Variants in NOX4 observed in about 807,000 individuals in gnomAD.
The protein encoded by NOX4 is kidney oxidase-1.
Under a neutral mutation model 87.6 loss-of-function variants are expected in NOX4, and 69 were observed. That is an observed-to-expected ratio of 0.79 (90% CI 0.65 to 0.96). NOX4 has a LOEUF of 0.96. Ranked by LOEUF, NOX4 falls within the 40% of genes least tolerant of loss-of-function variation. The pLI, the probability that NOX4 is intolerant of heterozygous loss-of-function variation, is 0.00. For missense variants in NOX4, 680 were observed against 681.5 expected (o/e 1.00, Z 0.02); for synonymous variants, 275 against 238.2 (o/e 1.15, Z -1.42).
chr11:89,525,225 G>C, the NOX4 span, among the ~76,000 whole-genome samples: 1 of 152,068 alleles, frequency 6.6e-6, no homozygotes, highest in Middle Eastern at 3.4e-3. Flanking sequence ...CCTAGGTGTG[G>C]AATAGCTGCC....
chr11:89,536,171 G>C, the NOX4 span, among the ~76,000 whole-genome samples: 4 of 133,386 alleles, frequency 3.0e-5, no homozygotes, highest in Admixed American at 1.6e-4. Flanking sequence ...TTTTGAGACG[G>C]AGTCTCGCTC....
intron 15 of NOX4, among the ~76,000 whole-genome samples, chr11:89,339,766 A>G (rs1186327923): frequency 5.3e-5 from 8 of 152,128 alleles, no homozygotes. Context: ...AGCCATATGC[A>G]TACATTTCTA....
chr11:89,514,114 T>C, the NOX4 span, among the ~76,000 whole-genome samples: 1 of 152,084 alleles, frequency 6.6e-6, no homozygotes, highest in African/African-American at 2.4e-5. Context: ...ATTTTAACAA[T>C]ATTAATTCTT....
At chr11:89,395,529 T>C (rs910915431) in intron 11 of NOX4, among the ~76,000 whole-genome samples, 3 of 152,228 alleles carry the variant, frequency 2.0e-5, no homozygotes, top group Non-Finnish European at 2.9e-5. Context: ...TTGCCTATTT[T>C]GGCTTTTTTT....
At chr11:89,402,832 G>A (rs1433046466) in intron 8 of NOX4, among the ~76,000 whole-genome samples, 1 of 152,118 alleles carries the variant, frequency 6.6e-6, no homozygotes, top group Admixed American at 6.6e-5. Flanking sequence ...TATTGAATTT[G>A]ATGGCCTTTA....
chr11:89,433,636 A>G (rs1021443513), intron 6 of NOX4, among the ~76,000 whole-genome samples: 9 of 152,212 alleles, frequency 5.9e-5, no homozygotes, highest in East Asian at 5.8e-4. Context: ...ACACAGAACA[A>G]AAATTGGAGG....
upstream of NOX4, among the ~76,000 whole-genome samples, chr11:89,500,957 C>T (rs1167394954): frequency 6.6e-6 from 1 of 152,028 alleles, no homozygotes; most frequent in Non-Finnish European, 1.5e-5. Context: ...TAGTTTAGCA[C>T]ATTAGGGGGC....
intron 7 of NOX4, 113 bp downstream of exon 7, chr11:89,432,671 C>T: frequency 2.7e-6 from 2 of 730,582 alleles, no homozygotes; most frequent in African/African-American, 1.8e-5. Flanking sequence ...CTCTTACTTA[C>T]CCAGAATAGT....
intron 5 of NOX4, among the ~76,000 whole-genome samples, chr11:89,442,196 C>T (rs1462899993): frequency 6.6e-6 from 1 of 150,970 alleles, no homozygotes; most frequent in African/African-American, 2.4e-5. Flanking sequence ...GAAATAAAGG[C>T]AGGGGAAATA....
chr11:89,560,317 T>C, the NOX4 span, among the ~76,000 whole-genome samples: 1 of 152,118 alleles, frequency 6.6e-6, no homozygotes, highest in Non-Finnish European at 1.5e-5. Context: ...AGCATGGCCC[T>C]CCCAATATCT....
At chr11:89,433,992 A>G (rs1181813875) in intron 6 of NOX4, among the ~76,000 whole-genome samples, 6 of 152,100 alleles carry the variant, frequency 3.9e-5, no homozygotes, top group African/African-American at 1.4e-4. Context: ...TAAGTCCTGA[A>G]TATCCCATCT....
the NOX4 span, among the ~76,000 whole-genome samples, chr11:89,561,088 C>CATATATAT: frequency 2.3e-5 from 1 of 42,878 alleles, no homozygotes; most frequent in East Asian, 7.8e-4. Flanking sequence ...TATATATATC[C>CATATATAT]TATCAGTTCT....
At chr11:89,419,174 TACCACATTG>T (rs981271379) in intron 8 of NOX4, among the ~76,000 whole-genome samples, 58 of 152,188 alleles carry the variant, frequency 3.8e-4, no homozygotes, top group African/African-American at 1.3e-3. Flanking sequence ...TTATGGTACT[TACCACATTG>T]ATGGACAGAG....
chr11:89,505,661 A>G, the NOX4 span, among the ~76,000 whole-genome samples: 1 of 151,838 alleles, frequency 6.6e-6, no homozygotes, highest in East Asian at 1.9e-4. Flanking sequence ...ATTTGATGGG[A>G]GTGTAATGTG....
intron 11 of NOX4, among the ~76,000 whole-genome samples, chr11:89,379,362 G>A (rs1343482320): frequency 1.3e-5 from 2 of 151,364 alleles, no homozygotes; most frequent in East Asian, 2.0e-4. Flanking sequence ...TTAGAGTTGG[G>A]GCTCATCATT....
the NOX4 span, among the ~76,000 whole-genome samples, chr11:89,507,643 G>C: frequency 6.6e-6 from 1 of 151,716 alleles, no homozygotes; most frequent in South Asian, 2.1e-4. Flanking sequence ...TATCCAAAAC[G>C]AATGTGGTTA....
chr11:89,528,371 T>A, the NOX4 span, among the ~76,000 whole-genome samples: 1 of 152,140 alleles, frequency 6.6e-6, no homozygotes, highest in Admixed American at 6.5e-5. Flanking sequence ...TGGGAAGGCA[T>A]GATTGGTTCT....
chr11:89,363,115 G>A (rs2135013542), intron 12 of NOX4, among the ~76,000 whole-genome samples: 1 of 152,052 alleles, frequency 6.6e-6, no homozygotes, highest in African/African-American at 2.4e-5. Context: ...AGTGCTAAAG[G>A]TATGCTCTGA....
intron 13 of NOX4, among the ~76,000 whole-genome samples, chr11:89,349,696 G>T (rs1946374757): frequency 6.6e-6 from 1 of 152,158 alleles, no homozygotes; most frequent in South Asian, 2.1e-4. Context: ...GAAGCTCAGA[G>T]AACTTGATCT....
Sources: gnomAD v4.1 joint callset for allele counts (sites outside exome capture counted in the v4.1 genomes callset) on GRCh38, gnomAD v4.1.1 for gene constraint, MANE v1.5 for transcripts, NCBI Gene and HGNC (gene_info 2026-07-23, HGNC 2026-07-21) for gene names.